Variants in ITPR2 observed in about 807,000 individuals in gnomAD.
The protein encoded by ITPR2 is inositol 1,4,5-trisphosphate receptor type 2, also known as inositol 1,4,5-trisphosphate-gated calcium channel ITPR2.
ITPR2 carries 207 observed loss-of-function variants against 317.1 expected under a neutral mutation model. That is an observed-to-expected ratio of 0.65 (90% CI 0.58 to 0.73). The LOEUF (loss-of-function observed/expected upper bound fraction) is 0.73, where lower values mean the gene tolerates loss of function less well. ITPR2 is among the 30% of genes least tolerant of loss of function. The pLI is 0.00. For synonymous variants in ITPR2, 1,156 were observed against 1,149.1 expected, an observed-to-expected ratio of 1.01 and a Z score of -0.12; for missense variants, 2,613 against 3,284.0, an observed-to-expected ratio of 0.80 and a Z score of 4.99.
At position 26,340,215 on chromosome 12, in the gene ITPR2, C is replaced by T; in HGVS notation, c.7971G>A (p.Met2657Ile). 1.2e-6 allele frequency: 2 copies of T among 1,610,518 alleles called. No individual in the cohort carries two copies. Among genetic ancestry groups the T allele is most frequent in the Non-Finnish European group, 1.7e-6 (2 of 1,178,480 alleles). Residue 2657 changes from methionine to isoleucine, a missense_variant, in exon 56 of 57, where the codon ATG becomes ATA. Coordinates refer to ENST00000381340, the MANE Select transcript of ITPR2 (RefSeq NM_002223.4). ...RSLQEKLEST[M>I]SLVKQLSGQL... ...GACCCGACAGCTGTTTGACCAGACTCATGGTCGATTCCAACTTCTCCTGAA... is the reference window on the plus strand; with the variant it reads ...GACCCGACAGCTGTTTGACCAGACTTATGGTCGATTCCAACTTCTCCTGAA...
chr12:26,554,390 A>G (rs1176852411), intron 36 of ITPR2, among the ~76,000 whole-genome samples: 2 of 152,206 alleles, frequency 1.3e-5, no homozygotes, highest in African/African-American at 4.8e-5. Context: ...CTGGCACCCT[A>G]GTTCTCGACA....
chr12:26,611,793 C>T (rs1473201818), intron 26 of ITPR2, among the ~76,000 whole-genome samples: 1 of 152,172 alleles, frequency 6.6e-6, no homozygotes, highest in Admixed American at 6.5e-5. Context: ...CCTGACTTAA[C>T]CTACTCGGAT....
At position 26,400,240 on chromosome 12, in the gene ITPR2, T is replaced by C. The variant is rs1158090929; in HGVS notation, c.7418A>G (p.Asp2473Gly). ...ASNTADEEYEDGIERTCDTLL... is the reference protein window; with the variant it reads ...ASNTADEEYEGGIERTCDTLL... ...AGTGTCACACGTCCTTTCAATTCCA[T>C]CTTCATACTCTTCATCAGCTATAAA... The change falls in exon 53 of 57, where the codon GAT (aspartate) becomes GGT (glycine). Residue 2473 changes from aspartate (D) to glycine (G), a missense_variant. Around this residue, in one of 9 missense-constraint regions of ITPR2, gnomAD observed 113 missense variants for 129.2 expected, o/e 0.87. Transcript: ENST00000381340. 13 of 1,568,946 alleles carry C rather than the reference T, an allele frequency of 8.3e-6. No homozygotes were observed. The highest frequency in any genetic ancestry group is 1.0e-5 in the Non-Finnish European group (12 of 1,152,688).
intron 52 of ITPR2, 83 bp from the exon 53 acceptor site, chr12:26,400,341 CAATA>C (rs1321682844): frequency 1.1e-5 from 8 of 710,592 alleles, no homozygotes; most frequent in African/African-American, 1.8e-5. Flanking sequence ...AATATACATA[CAATA>C]AATATACATA....
chr12:26,342,499 G>C (rs1466082270), intron 55 of ITPR2, among the ~76,000 whole-genome samples: 1 of 13,360 alleles, frequency 7.5e-5, no homozygotes, highest in East Asian at 3.5e-3. Flanking sequence ...CACGGCGGTG[G>C]GGGGGGGGGG....
chr12:26,484,249 G>A (rs1052094177), intron 41 of ITPR2, among the ~76,000 whole-genome samples: 10 of 151,056 alleles, frequency 6.6e-5, no homozygotes, highest in African/African-American at 2.4e-4. Context: ...GAGAGGGAAA[G>A]AGTAATGGGA....
intron 32 of ITPR2, among the ~76,000 whole-genome samples, chr12:26,583,912 T>C (rs934330979): frequency 1.3e-5 from 2 of 152,330 alleles, no homozygotes; most frequent in East Asian, 3.9e-4. Context: ...TCTTTTGAAA[T>C]ATTTGTCTTC....
In ITPR2 at chr12:26,606,285, G is replaced by T. The variant is rs184965596; in HGVS notation, c.3463-3579C>A. On this transcript the variant is annotated intron_variant, in intron 26 of 56. Coordinates refer to ENST00000381340, the MANE Select transcript of ITPR2 (RefSeq NM_002223.4). The stretch of plus-strand genomic sequence containing the variant: ...AATAGTGATGAAAAATAAATACGAT[G>T]CTCCAAACGTCCTTGCATTTTATTG... 7.5e-4 allele frequency among the ~76,000 whole-genome samples: 114 copies of T among 152,036 alleles called. 3 individuals are homozygous for T. The East Asian group carries it at 0.018, about 23-fold the overall frequency.
intron 1 of ITPR2, among the ~76,000 whole-genome samples, chr12:26,798,685 A>G (rs1950500165): frequency 6.6e-6 from 1 of 152,238 alleles, no homozygotes; most frequent in Non-Finnish European, 1.5e-5. Flanking sequence ...AATTTTTCTC[A>G]TAATCCAGAA....
At chr12:26,424,579 GTTTTGTGTTTTTT>G (rs1940989821) in intron 49 of ITPR2, among the ~76,000 whole-genome samples, 1 of 129,706 alleles carries the variant, frequency 7.7e-6, no homozygotes, top group Non-Finnish European at 1.5e-5. Context: ...TTTTGTTTTC[GTTTTGTGTTTTTT>G]TTTTTTTTTT....
At chr12:26,809,629 T>C (rs1418560031) in intron 1 of ITPR2, among the ~76,000 whole-genome samples, 3 of 152,212 alleles carry the variant, frequency 2.0e-5, no homozygotes, top group African/African-American at 4.8e-5. Context: ...TAAAGATATT[T>C]TGAGTAAAAC....
intron 55 of ITPR2, among the ~76,000 whole-genome samples, chr12:26,371,280 C>T (rs1470258467): frequency 6.6e-6 from 1 of 152,218 alleles, no homozygotes; most frequent in Non-Finnish European, 1.5e-5. Flanking sequence ...CTTAAGTTCT[C>T]TTTCACCTAA....
At chr12:26,790,586 T>TACACACACACAC (rs10527860) in intron 1 of ITPR2, among the ~76,000 whole-genome samples, 9,283 of 147,672 alleles carry the variant, frequency 0.063, 338 homozygotes, top group African/African-American at 0.069. Context: ...CATATATGCT[T>TACACACACACAC]ACACACACAC....
intron 2 of ITPR2, among the ~76,000 whole-genome samples, chr12:26,784,531 A>T (rs889992395): frequency 6.7e-6 from 1 of 148,666 alleles, no homozygotes; most frequent in Non-Finnish European, 1.5e-5. Flanking sequence ...TTTGGTGGAG[A>T]CGGGGTTTTG....
chr12:26,817,180 CA>C (rs11422176), intron 1 of ITPR2, among the ~76,000 whole-genome samples: 840 of 57,638 alleles, frequency 0.015, 5 homozygotes, highest in African/African-American at 0.053. Context: ...GAGTCTCTTT[CA>C]AAAAAAAAAA....
At chr12:26,757,751 C>T (rs1343395679) in intron 2 of ITPR2, among the ~76,000 whole-genome samples, 1 of 152,192 alleles carries the variant, frequency 6.6e-6, no homozygotes, top group African/African-American at 2.4e-5. Flanking sequence ...TTTTGAAATA[C>T]ATGAAAATAC....
rs547621876 is a variant in ITPR2 at position 26,719,999 on chromosome 12, A to G, written c.525+2398T>C. Among the ~76,000 whole-genome samples, 4 of 152,306 alleles carry G rather than the reference A, an allele frequency of 2.6e-5. No individual in the cohort carries two copies. In the East Asian group the frequency reaches 7.7e-4, roughly 29 times the overall value. On this transcript the variant is annotated intron_variant, in intron 5 of 56. Coordinates refer to ENST00000381340, the MANE Select transcript of ITPR2 (RefSeq NM_002223.4). ...GATACATAAAGATAAAAAAATAAGG[A>G]AAGAAAAATGAAATATTTATGTTCT...
chr12:26,599,662 G>T (rs1019735541), intron 29 of ITPR2, among the ~76,000 whole-genome samples: 8 of 151,974 alleles, frequency 5.3e-5, no homozygotes, highest in African/African-American at 1.9e-4. Context: ...TACAGACAAG[G>T]GCAAACTCCA....
At chr12:26,737,604 A>G (rs1041483761) in intron 2 of ITPR2, among the ~76,000 whole-genome samples, 1 of 152,072 alleles carries the variant, frequency 6.6e-6, no homozygotes, top group Non-Finnish European at 1.5e-5. Flanking sequence ...GCAAAAAGGG[A>G]AGGAGTTCAT....
Sources: allele counts gnomAD v4.1 joint callset (sites outside exome capture counted in the v4.1 genomes callset), GRCh38; gene constraint gnomAD v4.1.1; regional missense constraint gnomAD v4.1.1; transcripts MANE v1.5; gene names NCBI Gene and HGNC (gene_info 2026-07-23, HGNC 2026-07-21).